Variants in GALNT13 observed in about 807,000 individuals in gnomAD.
The protein encoded by GALNT13 is UDP-GalNAc:polypeptide N-acetylgalactosaminyltransferase 13.
In GALNT13, 28 loss-of-function variants were observed where a neutral mutation model predicts 64.2. That is an observed-to-expected ratio of 0.44 (90% confidence interval 0.32 to 0.60). The LOEUF (loss-of-function observed/expected upper bound fraction) is 0.60. GALNT13 is among the 20% of genes least tolerant of loss of function. The pLI, the probability that GALNT13 is intolerant of heterozygous loss-of-function variation, is 0.05. For missense variants in GALNT13, 577 were observed against 669.8 expected, an observed-to-expected ratio of 0.86 and a Z score of 1.53; for synonymous variants, 214 against 224.6, an observed-to-expected ratio of 0.95 and a Z score of 0.42.
At chr2:154,293,141 T>A (rs562529044) in intron 8 of GALNT13, among the ~76,000 whole-genome samples, 1 of 152,312 alleles carries the variant, frequency 6.6e-6, no homozygotes, top group East Asian at 1.9e-4. Context: ...AATATTAATC[T>A]GTTGAAAGCC....
At chr2:153,915,456 C>A (rs1689263807) in intron 2 of GALNT13, among the ~76,000 whole-genome samples, 1 of 152,134 alleles carries the variant, frequency 6.6e-6, no homozygotes, top group Non-Finnish European at 1.5e-5. Context: ...GTATTTGTTA[C>A]ACTTTTAGCT....
rs560962115 is a variant in GALNT13, at chr2:154,445,474, C to T, written c.1531-4937C>T. On this transcript the variant is annotated intron_variant, in intron 12 of 12. Coordinates refer to ENST00000392825, the MANE Select transcript of GALNT13 (RefSeq NM_052917.4). ...AATATCACTGAGAGTAGAGGATGAT[C>T]TAGCCTAGCAGTTTTGAACAGTATG... 7.9e-5 allele frequency among the ~76,000 whole-genome samples: 12 copies of T among 151,790 alleles called. No homozygotes were observed. The South Asian group carries it at 1.0e-3, about 13-fold the overall frequency.
the GALNT13 span, among the ~76,000 whole-genome samples, chr2:153,838,689 G>A: frequency 1.6e-4 from 24 of 151,968 alleles, no homozygotes; most frequent in African/African-American, 5.8e-4. Context: ...TTAAAATCAG[G>A]TAGTGTGATG....
the GALNT13 span, among the ~76,000 whole-genome samples, chr2:153,432,267 G>T: frequency 6.6e-6 from 1 of 152,116 alleles, no homozygotes; most frequent in African/African-American, 2.4e-5. Context: ...CAAAGACTGT[G>T]AACAACAACT....
chr2:153,897,068 T>C (rs965070684), intron 1 of GALNT13, among the ~76,000 whole-genome samples: 1 of 152,178 alleles, frequency 6.6e-6, no homozygotes, highest in African/African-American at 2.4e-5. Flanking sequence ...ACATTTTTTT[T>C]CCTGAATCAT....
the GALNT13 span, among the ~76,000 whole-genome samples, chr2:153,723,524 G>A: frequency 2.7e-5 from 4 of 150,406 alleles, no homozygotes; most frequent in South Asian, 8.5e-4. Context: ...GTCCCTGTTT[G>A]CAGACGACAT....
At chr2:153,542,360 A>ACAC in the GALNT13 span, among the ~76,000 whole-genome samples, 1 of 57,840 alleles carries the variant, frequency 1.7e-5, no homozygotes, top group African/African-American at 1.4e-4. Flanking sequence ...ACACACACAC[A>ACAC]AAAAAAAAAC....
the GALNT13 span, among the ~76,000 whole-genome samples, chr2:153,671,957 G>A: frequency 2.0e-5 from 3 of 152,054 alleles, no homozygotes; most frequent in Non-Finnish European, 2.9e-5. Flanking sequence ...GACAAAGAAG[G>A]CCATTACATA....
At chr2:153,487,914 G>A in the GALNT13 span, among the ~76,000 whole-genome samples, 1 of 152,124 alleles carries the variant, frequency 6.6e-6, no homozygotes, top group Non-Finnish European at 1.5e-5. Flanking sequence ...ACACATTGAA[G>A]GGCTTTAAGC....
chr2:153,885,912 A>G (rs189574407), intron 1 of GALNT13, among the ~76,000 whole-genome samples: 96 of 152,224 alleles, frequency 6.3e-4, no homozygotes, highest in African/African-American at 2.0e-3. Context: ...GTTGCTGTGT[A>G]TATGTTCATG....
the GALNT13 span, among the ~76,000 whole-genome samples, chr2:153,287,205 C>T: frequency 6.6e-6 from 1 of 152,124 alleles, no homozygotes; most frequent in East Asian, 1.9e-4. Context: ...TTTGGTGCTC[C>T]GCTGCGCATA....
the GALNT13 span, among the ~76,000 whole-genome samples, chr2:153,101,072 A>G: frequency 0.24 from 36,291 of 152,074 alleles, 4,942 homozygotes; most frequent in Non-Finnish European, 0.32. Context: ...ATCTATGTAT[A>G]TTTATAATTA....
At chr2:153,954,976 G>A (rs1692458754) in intron 3 of GALNT13, among the ~76,000 whole-genome samples, 3 of 151,740 alleles carry the variant, frequency 2.0e-5, no homozygotes. Flanking sequence ...AGAAAGAGGT[G>A]GCCACTGACT....
intron 9 of GALNT13, among the ~76,000 whole-genome samples, chr2:154,347,690 G>A (rs566705526): frequency 6.6e-6 from 1 of 152,280 alleles, no homozygotes; most frequent in South Asian, 2.1e-4. Context: ...TATAATCATA[G>A]ATTTTCACTG....
intron 2 of GALNT13, among the ~76,000 whole-genome samples, chr2:153,902,367 G>C: frequency 6.6e-6 from 1 of 151,966 alleles, no homozygotes; most frequent in Non-Finnish European, 1.5e-5. Context: ...ATTTCCTTTG[G>C]TTCAATTAAT....
chr2:153,347,173 A>G, the GALNT13 span, among the ~76,000 whole-genome samples: 1 of 152,236 alleles, frequency 6.6e-6, no homozygotes, highest in Non-Finnish European at 1.5e-5. Flanking sequence ...TGCATTGGGC[A>G]TAAAAGCCCA....
chr2:154,254,746 T>A (rs187473860), intron 7 of GALNT13, among the ~76,000 whole-genome samples: 18 of 151,164 alleles, frequency 1.2e-4, no homozygotes, highest in African/African-American at 4.1e-4. Flanking sequence ...GTCAAAGGAG[T>A]TTTTTGGAGG....
intron 3 of GALNT13, among the ~76,000 whole-genome samples, chr2:154,091,280 C>T (rs1384389029): frequency 6.6e-6 from 1 of 151,710 alleles, no homozygotes; most frequent in Non-Finnish European, 1.5e-5. Flanking sequence ...ACTTGTATAG[C>T]CATATAAGGA....
the GALNT13 span, among the ~76,000 whole-genome samples, chr2:153,645,096 A>T: frequency 2.6e-4 from 39 of 152,232 alleles, no homozygotes; most frequent in East Asian, 6.0e-3. Context: ...CTAATTAAAA[A>T]CATTCATAAA....
Sources: allele counts gnomAD v4.1 joint callset (sites outside exome capture counted in the v4.1 genomes callset), GRCh38; gene constraint gnomAD v4.1.1; transcripts MANE v1.5; gene names NCBI Gene and HGNC (gene_info 2026-07-23, HGNC 2026-07-21).